Variants in CFAP92 observed in about 807,000 individuals in gnomAD.
The protein encoded by CFAP92 is cilia and flagella associated protein 92 (putative).
Under a neutral mutation model 106.3 loss-of-function variants are expected in CFAP92, and 86 were observed. The observed-to-expected ratio is 0.81, with a 90% CI of 0.68 to 0.97. The LOEUF is 0.97. Among genes scored for constraint, CFAP92 ranks in the 50% least tolerant of loss-of-function variants. The probability of loss-of-function intolerance (pLI) is 0.00; values close to 1 mark genes in which losing one functional copy is unlikely to be tolerated. For missense variants in CFAP92, 1,204 were observed against 1,283.8 expected, an observed-to-expected ratio of 0.94 and a Z score of 0.95; for synonymous variants, 477 against 506.4, an observed-to-expected ratio of 0.94 and a Z score of 0.78.
At chr3:129,017,037 T>C in the CFAP92 span, among the ~76,000 whole-genome samples, 5 of 152,230 alleles carry the variant, frequency 3.3e-5, no homozygotes, top group Non-Finnish European at 7.3e-5. Flanking sequence ...GCTTGTCATT[T>C]TGGCCTGTCA....
At chr3:128,948,385 T>G (rs1940456333) in intron 9 of CFAP92, among the ~76,000 whole-genome samples, 1 of 105,396 alleles carries the variant, frequency 9.5e-6, no homozygotes, top group African/African-American at 8.0e-5. Flanking sequence ...TCCTTTTTTT[T>G]TTTTTTTTTT....
intron 10 of CFAP92, among the ~76,000 whole-genome samples, chr3:128,937,613 AAAAG>A (rs1939182418): frequency 6.6e-6 from 1 of 151,944 alleles, no homozygotes; most frequent in Non-Finnish European, 1.5e-5. Flanking sequence ...CCAAAAAAAA[AAAAG>A]ATTTTTCTGG....
intron 9 of CFAP92, among the ~76,000 whole-genome samples, chr3:128,957,538 G>T (rs1189526627): frequency 2.0e-5 from 3 of 152,002 alleles, no homozygotes; most frequent in African/African-American, 7.2e-5. Context: ...TTCTAAAAAT[G>T]GGTCAAGTAA....
chr3:128,956,201 A>T (rs1266187938), intron 9 of CFAP92, among the ~76,000 whole-genome samples: 19 of 94,138 alleles, frequency 2.0e-4, no homozygotes, highest in African/African-American at 1.0e-3. Context: ...AAAAATAAAA[A>T]AAAAATAAAA....
upstream of CFAP92, chr3:129,003,234 C>G (rs56336586): frequency 1.9e-3 from 1,881 of 985,362 alleles, 4 homozygotes; most frequent in Non-Finnish European, 2.2e-3. Flanking sequence ...TCCCAAGTAA[C>G]GTACTGGGAG....
chr3:128,992,530 C>T (rs1055167781), intron 2 of CFAP92, among the ~76,000 whole-genome samples: 2 of 152,002 alleles, frequency 1.3e-5, no homozygotes, highest in African/African-American at 4.8e-5. Context: ...CCACTGCACT[C>T]CAGCCTGGTG....
In CFAP92 at chr3:128,915,155, C is replaced by G. The variant is rs770178427; in HGVS notation, c.3244G>C (p.Glu1082Gln). Residue 1082 changes from glutamate (E) to glutamine (Q), a missense_variant, in exon 15 of 16, where the codon GAG becomes CAG. Glu to Gln is a conservative substitution (Grantham distance 29). Transcript: ENST00000645291. Reference sequence around the variant, plus strand: ...TTTGGTGCGGGCGAAGGGAGCAGCTCGAGGAAAGGTGGTGGTTTCTTGTAC... The same window carrying G: ...TTTGGTGCGGGCGAAGGGAGCAGCTGGAGGAAAGGTGGTGGTTTCTTGTAC... Reference protein sequence around the residue: ...DLYKKPPPFLELLPSPAPKPV... With the variant: ...DLYKKPPPFLQLLPSPAPKPV... 119 of 1,536,086 alleles carry G rather than the reference C, an allele frequency of 7.7e-5. No homozygotes were observed. The Middle Eastern group carries it at 8.4e-4, about 11-fold the overall frequency.
chr3:128,970,518 AAG>A (rs996920438), intron 8 of CFAP92: 102 of 152,352 alleles, frequency 6.7e-4, no homozygotes, highest in African/African-American at 2.3e-3. Flanking sequence ...AAGAAAAAAA[AAG>A]GGGGGGAGTT....
At chr3:128,990,594 T>G (rs1944151229) in intron 2 of CFAP92, among the ~76,000 whole-genome samples, 1 of 152,216 alleles carries the variant, frequency 6.6e-6, no homozygotes, top group Middle Eastern at 3.2e-3. Flanking sequence ...ATCTCATTTC[T>G]CTGAAATAAA....
chr3:128,994,840 A>T (rs1477547816), upstream of CFAP92, among the ~76,000 whole-genome samples: 4 of 152,186 alleles, frequency 2.6e-5, no homozygotes, highest in East Asian at 5.8e-4. Context: ...AGCAACGCCA[A>T]ATCTGGGGGG....
At chr3:129,019,062 G>A in the CFAP92 span, among the ~76,000 whole-genome samples, 1 of 152,210 alleles carries the variant, frequency 6.6e-6, no homozygotes, top group African/African-American at 2.4e-5. Context: ...AACTGTCCCA[G>A]GAGAGGGGTT....
At chr3:128,914,846 C>T (rs1936674958) in intron 15 of CFAP92, 4 of 432,554 alleles carry the variant, frequency 9.2e-6, no homozygotes, top group Middle Eastern at 1.3e-3. Context: ...CTTCCAACTT[C>T]CCCACTTTAT....
At chr3:129,001,541 C>A (rs2107842879) in intron 1 of CFAP92, 3 of 1,342,734 alleles carry the variant, frequency 2.2e-6, no homozygotes, top group Non-Finnish European at 2.8e-6. Flanking sequence ...TAAGCCCCTC[C>A]TTTCGAGAAA....
At chr3:128,930,930 G>T (rs1207006873) in intron 12 of CFAP92, among the ~76,000 whole-genome samples, 2 of 152,034 alleles carry the variant, frequency 1.3e-5, no homozygotes, top group Non-Finnish European at 2.9e-5. Context: ...TTGAGACAGG[G>T]TCTCATTCTG....
intron 15 of CFAP92, among the ~76,000 whole-genome samples, chr3:128,911,045 G>A (rs1436285696): frequency 6.6e-6 from 1 of 152,164 alleles, no homozygotes; most frequent in East Asian, 1.9e-4. Flanking sequence ...ATGTGTGTGT[G>A]TGTATGTATG....
At chr3:129,019,799 G>A in the CFAP92 span, among the ~76,000 whole-genome samples, 4 of 113,406 alleles carry the variant, frequency 3.5e-5, no homozygotes, top group Admixed American at 1.1e-4. Flanking sequence ...ACTGAGTTTC[G>A]CTCTTGTTGC....
intron 12 of CFAP92, among the ~76,000 whole-genome samples, chr3:128,919,468 T>C (rs1363895810): frequency 6.6e-6 from 1 of 152,194 alleles, no homozygotes; most frequent in Non-Finnish European, 1.5e-5. Context: ...CAAAAAGGGA[T>C]AACTTGTAAA....
intron 10 of CFAP92, 60 bp from the exon 11 acceptor site, chr3:128,935,379 GAGGGTGCGCTGTC>G: frequency 8.3e-7 from 1 of 1,205,810 alleles, no homozygotes; most frequent in East Asian, 2.6e-5. Flanking sequence ...ACACCGTGGT[GAGGGTGCGCTGTC>G]AGGTACAGCT....
At chr3:129,010,288 G>C in the CFAP92 span, among the ~76,000 whole-genome samples, 1 of 151,998 alleles carries the variant, frequency 6.6e-6, no homozygotes, top group Admixed American at 6.5e-5. This position sits in a 1 kb window ranked among gnomAD's most constrained non-coding sequence, Gnocchi z 4.3. Context: ...CCCCTACCCT[G>C]CTCTGAAGCC....
Sources: allele counts gnomAD v4.1 joint callset (sites outside exome capture counted in the v4.1 genomes callset), GRCh38; gene constraint gnomAD v4.1.1; non-coding constraint Gnocchi (gnomAD v3.1); transcripts MANE v1.5; gene names NCBI Gene and HGNC (gene_info 2026-07-23, HGNC 2026-07-21).